ZNF277: variants seen among roughly 807,000 people sequenced by gnomAD.
The protein encoded by ZNF277 is zinc finger protein 277.
ZNF277 carries 55 observed loss-of-function variants against 60.7 expected under a neutral mutation model. That is an observed-to-expected ratio of 0.91 (90% CI 0.73 to 1.13). ZNF277 has a LOEUF of 1.13. ZNF277 is among the 50% of genes most tolerant of loss of function. The pLI is 0.00. For synonymous variants in ZNF277, 178 were observed against 179.3 expected, an observed-to-expected ratio of 0.99 and a Z score of 0.06; for missense variants, 510 against 523.0, an observed-to-expected ratio of 0.98 and a Z score of 0.24.
At chr7:112,261,763 T>G (rs528624317) in intron 1 of ZNF277, among the ~76,000 whole-genome samples, 1 of 152,182 alleles carries the variant, frequency 6.6e-6, no homozygotes, top group Non-Finnish European at 1.5e-5. Flanking sequence ...CTCTTGAATA[T>G]CAAAGCCTCT....
chr7:112,215,456 G>T (rs1225252824), intron 1 of ZNF277, among the ~76,000 whole-genome samples: 1 of 152,168 alleles, frequency 6.6e-6, no homozygotes, highest in African/African-American at 2.4e-5. Context: ...CTCTATATGG[G>T]ATACAAATGA....
intron 1 of ZNF277, among the ~76,000 whole-genome samples, chr7:112,211,522 A>G (rs926594503): frequency 2.0e-5 from 3 of 152,344 alleles, no homozygotes; most frequent in East Asian, 3.9e-4. Context: ...TTAATGTTTA[A>G]TAAGTGTTTG....
intron 4 of ZNF277, among the ~76,000 whole-genome samples, chr7:112,305,625 T>C (rs1026312474): frequency 1.3e-5 from 2 of 152,132 alleles, no homozygotes; most frequent in Non-Finnish European, 2.9e-5. Context: ...TGAATAAATT[T>C]GTTTTAACTG....
intron 5 of ZNF277, among the ~76,000 whole-genome samples, chr7:112,319,829 A>T (rs1281630238): frequency 6.6e-6 from 1 of 151,868 alleles, no homozygotes; most frequent in Non-Finnish European, 1.5e-5. Flanking sequence ...CGTACTTCTA[A>T]CTTTGTCCTT....
rs572882689 is a variant in ZNF277 at position 112,224,894 on chromosome 7, G to A, written c.91+18087G>A. On this transcript the variant is annotated intron_variant, in intron 1 of 11. Coordinates refer to ENST00000361822, the MANE Select transcript of ZNF277 (RefSeq NM_021994.3). Reference sequence around the variant, plus strand: ...GTGGTGGCTCACACCTGCAATCCCAGTATTTTGGGAGGCCAAGGCAGGAGG... The same window carrying A: ...GTGGTGGCTCACACCTGCAATCCCAATATTTTGGGAGGCCAAGGCAGGAGG... Among the ~76,000 whole-genome samples the A allele has an allele frequency of 3.9e-5, 6 of 152,264 alleles. No homozygotes were observed. The East Asian group carries it at 5.8e-4, about 15-fold the overall frequency.
At chr7:112,244,298 C>A (rs1791028575) in intron 1 of ZNF277, among the ~76,000 whole-genome samples, 1 of 152,138 alleles carries the variant, frequency 6.6e-6, no homozygotes, top group Non-Finnish European at 1.5e-5. Flanking sequence ...AATATGTATA[C>A]TGTAATAGTC....
At chr7:112,273,742 C>T (rs543496531) in intron 1 of ZNF277, among the ~76,000 whole-genome samples, 14 of 152,044 alleles carry the variant, frequency 9.2e-5, no homozygotes, top group African/African-American at 4.8e-5. Context: ...GGCAACAGAG[C>T]GAGACTCCGT....
chr7:112,325,694 C>A (rs1045604961), intron 5 of ZNF277, among the ~76,000 whole-genome samples: 4 of 152,210 alleles, frequency 2.6e-5, no homozygotes, highest in Non-Finnish European at 5.9e-5. Flanking sequence ...ACACCTATAC[C>A]TCCTGAGCCA....
At chr7:112,210,858 A>C (rs758050846) in intron 1 of ZNF277, among the ~76,000 whole-genome samples, 1 of 152,216 alleles carries the variant, frequency 6.6e-6, no homozygotes. Context: ...TTAAGAACAG[A>C]TAATAAATAG....
chr7:112,332,617 T>G (rs1484010114), intron 7 of ZNF277, among the ~76,000 whole-genome samples: 1 of 152,224 alleles, frequency 6.6e-6, no homozygotes, highest in African/African-American at 2.4e-5. Context: ...TTTAAGGCTC[T>G]GCTCCACAAT....
At chr7:112,324,237 C>T (rs186359323) in intron 5 of ZNF277, among the ~76,000 whole-genome samples, 4 of 152,258 alleles carry the variant, frequency 2.6e-5, no homozygotes, top group South Asian at 2.1e-4. Context: ...AATTGCCCAA[C>T]ACAAACTGTA....
chr7:112,327,774 C>A lies in ZNF277; in HGVS notation c.615C>A (p.Asp205Glu). 1.2e-6 allele frequency: 2 copies of A among 1,612,366 alleles called. No individual in the cohort carries two copies. The highest frequency in any genetic ancestry group is 1.1e-5 in the South Asian group (1 of 90,614). Residue 205 changes from aspartate (D) to glutamate (E), a missense_variant, in exon 6 of 12, where the codon GAC (aspartate) becomes GAA (glutamate). Physicochemically the swap from Asp to Glu is conservative, Grantham distance 45. Coordinates refer to ENST00000361822, the MANE Select transcript of ZNF277 (RefSeq NM_021994.3). Reference sequence around the variant, plus strand: ...ATGCTTTCAACATTGGATTGCCAGACAACATTGTAAACTGCAATGAATTTT... The same window carrying A: ...ATGCTTTCAACATTGGATTGCCAGAAAACATTGTAAACTGCAATGAATTTT... ...REHAFNIGLP[D>E]NIVNCNEFLC...
chr7:112,278,227 T>C (rs780970340), intron 1 of ZNF277, among the ~76,000 whole-genome samples: 1 of 152,208 alleles, frequency 6.6e-6, no homozygotes, highest in Non-Finnish European at 1.5e-5. Context: ...TTCAACAGTA[T>C]AGTCAGGACC....
chr7:112,301,122 G>A (rs116187757), intron 4 of ZNF277, among the ~76,000 whole-genome samples: 2,119 of 151,038 alleles, frequency 0.014, 56 homozygotes, highest in African/African-American at 0.048. Context: ...TCCCTCTGTC[G>A]CCCAGGCTGG....
At chr7:112,218,905 G>A (rs1279014483) in intron 1 of ZNF277, among the ~76,000 whole-genome samples, 1 of 152,108 alleles carries the variant, frequency 6.6e-6, no homozygotes, top group Non-Finnish European at 1.5e-5. Flanking sequence ...CTTGGCTATT[G>A]TGAATAATGC....
intron 4 of ZNF277, among the ~76,000 whole-genome samples, chr7:112,317,113 G>A (rs1792862705): frequency 1.3e-5 from 2 of 152,050 alleles, no homozygotes; most frequent in Admixed American, 6.6e-5. Flanking sequence ...AGAACACATG[G>A]ACGCAGGGAG....
chr7:112,271,965 G>C (rs958525036), intron 1 of ZNF277, among the ~76,000 whole-genome samples: 4 of 152,068 alleles, frequency 2.6e-5, no homozygotes, highest in African/African-American at 4.8e-5. Context: ...TTTACTTTTA[G>C]TGATTTTTAA....
intron 1 of ZNF277, among the ~76,000 whole-genome samples, chr7:112,212,015 A>G (rs1050392457): frequency 6.6e-6 from 1 of 152,242 alleles, no homozygotes; most frequent in Non-Finnish European, 1.5e-5. Flanking sequence ...AAAAAACTGA[A>G]TAGATGTTTT....
chr7:112,339,823 T>A lies in ZNF277; in HGVS notation c.967-20T>A. On this transcript the variant is annotated intron_variant, in intron 9 of 11. Transcript: ENST00000361822. ...ATTAAATAATTCATATGCTTACAGA[T>A]GTATTCATTCCTTTTTTAGGATGCA... is the stretch of plus-strand genomic sequence containing the variant. 1 of 1,606,916 alleles carries A rather than the reference T, an allele frequency of 6.2e-7. No individual in the cohort carries two copies. Among genetic ancestry groups the A allele is most frequent in the African/African-American group, 1.3e-5 (1 of 74,920 alleles).
Sources: gnomAD v4.1 joint callset for allele counts (sites outside exome capture counted in the v4.1 genomes callset) on GRCh38, gnomAD v4.1.1 for gene constraint, MANE v1.5 for transcripts, NCBI Gene and HGNC (gene_info 2026-07-23, HGNC 2026-07-21) for gene names.